Variants in EOGT observed in about 807,000 individuals in gnomAD.
EOGT encodes the protein EGF domain-specific O-linked N-acetylglucosamine transferase.
EOGT carries 55 observed loss-of-function variants against 70.5 expected under a neutral mutation model. That is an observed-to-expected ratio of 0.78 (90% confidence interval 0.63 to 0.98). EOGT has a LOEUF of 0.98. Ranked by LOEUF, EOGT falls within the 50% of genes least tolerant of loss-of-function variation. The pLI is 0.00. For synonymous variants in EOGT, 246 were observed against 217.1 expected (o/e 1.13, Z -1.17); for missense variants, 703 against 641.9 (o/e 1.10, Z -1.03).
At chr3:69,003,378 G>A (rs2091351634) in intron 8 of EOGT, among the ~76,000 whole-genome samples, 1 of 152,166 alleles carries the variant, frequency 6.6e-6, no homozygotes, top group Admixed American at 6.5e-5. Context: ...ATCATGGGAG[G>A]CACCCGGTGG....
chr3:69,006,669 A>C (rs2091446013), intron 6 of EOGT, among the ~76,000 whole-genome samples: 1 of 152,212 alleles, frequency 6.6e-6, no homozygotes, highest in Non-Finnish European at 1.5e-5. Context: ...AAATTGAAAC[A>C]AGGAAAGCCT....
At chr3:68,999,076 C>T (rs1457266469) in intron 9 of EOGT, among the ~76,000 whole-genome samples, 3 of 152,158 alleles carry the variant, frequency 2.0e-5, no homozygotes, top group South Asian at 4.1e-4. Flanking sequence ...AAGTTGAATT[C>T]CAGCACAGCC....
At chr3:68,995,988 A>G (rs1485987588) in intron 10 of EOGT, among the ~76,000 whole-genome samples, 1 of 152,236 alleles carries the variant, frequency 6.6e-6, no homozygotes, top group Non-Finnish European at 1.5e-5. Context: ...AAAATTTAAA[A>G]ATAGTTTTGT....
chr3:69,005,138 A>T lies in EOGT; in HGVS notation c.515+2T>A. ...AGATGTTAACATTAACCACTAAAGT[A>T]CCTGTCATGATTTCTCTTGATGTTT... On this transcript the variant is annotated splice_donor_variant, in intron 7 of 17. Coordinates refer to ENST00000383701, the MANE Select transcript of EOGT (RefSeq NM_001278689.2). LOFTEE classifies it high-confidence loss of function. The T allele has an allele frequency of 2.0e-6, 3 of 1,498,310 alleles. No homozygotes were observed. Among genetic ancestry groups the T allele is most frequent in the Non-Finnish European group, 2.8e-6 (3 of 1,081,402 alleles). 92.8% of individuals were successfully genotyped at this position (1,498,310 alleles called of 1,614,324 possible). A position where few individuals can be genotyped will look rare whatever the true frequency, so the allele number is the denominator to read the frequency against.
In EOGT at chr3:69,009,872, A is replaced by C. The variant is rs9812253; in HGVS notation, c.-14-12T>G. The C allele has an allele frequency of 0.17, 265,123 of 1,580,674 alleles. 23,605 individuals are homozygous for C. The highest frequency in any genetic ancestry group is 0.23 in the African/African-American group (16,905 of 73,450). On this transcript the variant is annotated splice_polypyrimidine_tract_variant and intron_variant, in intron 3 of 17. Transcript: ENST00000383701. The stretch of plus-strand genomic sequence containing the variant: ...AGCAACCTGCAAACCTAGAGATCAA[A>C]ATGAAGACAACTTTGTTAACAAATT...
rs372606238 is a variant in EOGT at position 68,975,440 on chromosome 3, T to C, written c.*2178A>G. The C allele has an allele frequency of 1.4e-4, 22 of 152,746 alleles. No individual in the cohort carries two copies. The highest frequency in any genetic ancestry group is 4.8e-4 in the African/African-American group (20 of 41,582). The allele number at this position is 152,746 out of a possible 1,614,324, so 9.5% of individuals were successfully genotyped here. A position where few individuals can be genotyped will look rare whatever the true frequency, so the allele number is the denominator to read the frequency against. ...TCTCTCTTCAAATATAGCCGTTTTA[T>C]TATGAAATTGTTCTCAATTTCTGAA... On this transcript the variant is annotated 3_prime_UTR_variant, in exon 18 of 18. Transcript: ENST00000383701.
intron 3 of EOGT, among the ~76,000 whole-genome samples, chr3:69,010,591 G>C (rs12632476): frequency 6.6e-6 from 1 of 152,190 alleles, no homozygotes; most frequent in Non-Finnish European, 1.5e-5. Context: ...CTTCATCATA[G>C]AGCTGTCATG....
At chr3:68,988,897 A>G in intron 11 of EOGT, 28 bp downstream of exon 11, 1 of 1,269,604 alleles carries the variant, frequency 7.9e-7, no homozygotes, top group Non-Finnish European at 1.1e-6. Flanking sequence ...AGAAATATTC[A>G]CAGACATTTC....
At chr3:69,009,435 G>A (rs1031636587) in intron 4 of EOGT, among the ~76,000 whole-genome samples, 1 of 152,124 alleles carries the variant, frequency 6.6e-6, no homozygotes, top group African/African-American at 2.4e-5. Context: ...AAGTGATTTA[G>A]ATTTTAAATT....
chr3:69,007,444 G>A (rs2091462744), intron 6 of EOGT, among the ~76,000 whole-genome samples: 2 of 144,854 alleles, frequency 1.4e-5, no homozygotes, highest in South Asian at 4.2e-4. Context: ...CTTGAGGTCA[G>A]GAGTTCGCGA....
At chr3:69,002,748 G>C (rs911181279) in intron 8 of EOGT, among the ~76,000 whole-genome samples, 1 of 151,756 alleles carries the variant, frequency 6.6e-6, no homozygotes, top group African/African-American at 2.4e-5. Flanking sequence ...TCGACCTCCT[G>C]AGCTCAAGCA....
chr3:68,988,658 A>G (rs2090890024), intron 11 of EOGT, 81 bp from the exon 12 acceptor site: 2 of 821,174 alleles, frequency 2.4e-6, no homozygotes, highest in Non-Finnish European at 3.8e-6. Context: ...TGAGAAATAG[A>G]TTTTAATTAA....
In EOGT at chr3:69,009,776, G is replaced by A; in HGVS notation, c.71C>T (p.Pro24Leu). ...TTCGCCTGGAATGCTGTGAGTATTA[G>A]GAGGAGCTTCATTCTGACCACTCAG... The part of the protein sequence containing the change: ...VSLSGQNEAP[P>L]NTHSIPGEPL... Residue 24 changes from proline to leucine, a missense_variant, in exon 4 of 18, where the codon CCT becomes CTT. Pro to Leu is a moderately conservative substitution (Grantham distance 98). Coordinates refer to ENST00000383701, the MANE Select transcript of EOGT (RefSeq NM_001278689.2). The A allele has an allele frequency of 6.2e-7, 1 of 1,614,058 alleles. No individual in the cohort carries two copies. The highest frequency in any genetic ancestry group is 8.5e-7 in the Non-Finnish European group (1 of 1,180,014).
At chr3:69,010,922 T>C (rs1036384694) in intron 3 of EOGT, among the ~76,000 whole-genome samples, 2 of 152,184 alleles carry the variant, frequency 1.3e-5, no homozygotes, top group African/African-American at 4.8e-5. Context: ...ACTAAACTCA[T>C]TGCCCTTGTG....
chr3:69,008,510 T>A lies in EOGT; in HGVS notation c.229A>T (p.Lys77Ter). The A allele has an allele frequency of 1.2e-6, 2 of 1,613,906 alleles. No individual in the cohort carries two copies. Among genetic ancestry groups the A allele is most frequent in the East Asian group, 4.5e-5 (2 of 44,874 alleles). Residue 77 changes from lysine (K) to a stop codon, truncating the protein, a stop_gained, in exon 5 of 18, where the codon AAG (lysine) becomes TAG (stop). Transcript: ENST00000383701. LOFTEE classifies it high-confidence loss of function. ...GATTTCTCATAACCCCAGCAGTACT[T>A]TAGCTTCTCTAGGTGTTTCTAGAAC... The part of the protein sequence containing the change: ...CPYKKHLEKL[K>*]YCWGYEKSCK...
Position 69,004,401 on chromosome 3 carries a change from C to T in EOGT, c.597G>A (p.Gln199=). ...LDIRTLTSEG[Q]RKSPLQSWFA... ...ACCATGACTGCAGAGGGCTTTTGCG[C>T]TGACCTTCAGACGTCAATGTACGGA... Residue 199 remains glutamine (Q), a synonymous_variant, in exon 8 of 18, where the codon CAG becomes CAA. Coordinates refer to ENST00000383701, the MANE Select transcript of EOGT (RefSeq NM_001278689.2). 1.2e-6 allele frequency: 2 copies of T among 1,613,970 alleles called. No individual in the cohort carries two copies. Among genetic ancestry groups the T allele is most frequent in the Non-Finnish European group, 1.7e-6 (2 of 1,179,874 alleles).
At chr3:69,005,083 T>G in intron 7 of EOGT, 57 bp downstream of exon 7, 3 of 1,008,186 alleles carry the variant, frequency 3.0e-6, no homozygotes, top group Non-Finnish European at 3.0e-6. Flanking sequence ...AAAAAATCCC[T>G]GGATCTGAAA....
In EOGT at chr3:68,976,641, CGT is replaced by C. The variant is rs58263145; in HGVS notation, c.*975_*976del. 3.9e-3 allele frequency: 560 copies of C among 144,274 alleles called. 2 individuals are homozygous for C. The highest frequency in any genetic ancestry group is 0.02 in the East Asian group (95 of 4,848). 8.9% of individuals were successfully genotyped at this position (144,274 alleles called of 1,614,324 possible). ...CTTGGTACTGAGAATCACAACTCTGCGTGTGTGTGTGTGTGTGTGTGTGTGTG... is the reference window on the plus strand; with the variant it reads ...CTTGGTACTGAGAATCACAACTCTGCGTGTGTGTGTGTGTGTGTGTGTGTG... On this transcript the variant is annotated 3_prime_UTR_variant, in exon 18 of 18. Transcript: ENST00000383701.
At chr3:69,004,357 G>C (rs1287713702) in intron 8 of EOGT, 21 bp downstream of exon 8, 1 of 1,565,210 alleles carries the variant, frequency 6.4e-7, no homozygotes, top group Non-Finnish European at 8.8e-7. Context: ...TTCCGAAACA[G>C]ATACGTTAAA....
Sources: allele counts gnomAD v4.1 joint callset (sites outside exome capture counted in the v4.1 genomes callset), GRCh38; gene constraint gnomAD v4.1.1; transcripts MANE v1.5; gene names NCBI Gene and HGNC (gene_info 2026-07-23, HGNC 2026-07-21).